The following PRKG1 variants were observed in gnomAD, a reference collection of about 807,000 sequenced individuals.
PRKG1 encodes the protein protein kinase cGMP-dependent 1.
Under a neutral mutation model 88.1 loss-of-function variants are expected in PRKG1, and 35 were observed. The observed-to-expected ratio is 0.40, with a 90% CI of 0.30 to 0.53. PRKG1 has a LOEUF of 0.53. Among genes scored for constraint, PRKG1 ranks in the 20% least tolerant of loss-of-function variants. The pLI is 0.59. For missense variants in PRKG1, 540 were observed against 839.8 expected, an observed-to-expected ratio of 0.64 and a Z score of 4.41; for synonymous variants, 303 against 292.5, an observed-to-expected ratio of 1.04 and a Z score of -0.37.
chr10:51,399,743 A>G (rs1203397640), intron 2 of PRKG1, among the ~76,000 whole-genome samples: 3 of 152,184 alleles, frequency 2.0e-5, no homozygotes, highest in Non-Finnish European at 2.9e-5. Flanking sequence ...AGTGGGGTCA[A>G]TGCAGATTTT....
intron 5 of PRKG1, among the ~76,000 whole-genome samples, chr10:51,925,243 T>G (rs1435583187): frequency 1.3e-5 from 2 of 151,858 alleles, no homozygotes. Flanking sequence ...GTGTTTATCA[T>G]TTGTTGTAGC....
At chr10:51,015,335 TTC>T (rs1843044523) in intron 1 of PRKG1, among the ~76,000 whole-genome samples, 1 of 152,248 alleles carries the variant, frequency 6.6e-6, no homozygotes, top group Admixed American at 6.5e-5. Flanking sequence ...TCAAGATATT[TTC>T]TGTTTTCTGA....
intron 3 of PRKG1, among the ~76,000 whole-genome samples, chr10:51,668,198 T>C (rs1256387763): frequency 6.6e-6 from 1 of 152,162 alleles, no homozygotes; most frequent in African/African-American, 2.4e-5. Flanking sequence ...GCAGGAAGTA[T>C]GTCAGGAAGG....
chr10:51,316,226 T>C (rs1196322841), intron 2 of PRKG1, among the ~76,000 whole-genome samples: 1 of 152,182 alleles, frequency 6.6e-6, no homozygotes, highest in Non-Finnish European at 1.5e-5. Flanking sequence ...CTCTCAGAGC[T>C]AATATATGAG....
intron 8 of PRKG1, among the ~76,000 whole-genome samples, chr10:52,150,401 C>G (rs956720924): frequency 2.0e-5 from 3 of 151,930 alleles, no homozygotes; most frequent in African/African-American, 7.3e-5. Context: ...GAGCAAATTA[C>G]TTAATTTTCT....
intron 5 of PRKG1, among the ~76,000 whole-genome samples, chr10:52,052,553 TAGAA>T (rs960015394): frequency 1.3e-5 from 2 of 151,920 alleles, no homozygotes; most frequent in Non-Finnish European, 2.9e-5. Context: ...CTGGGTAACT[TAGAA>T]AGAAAAAGGT....
intron 12 of PRKG1, among the ~76,000 whole-genome samples, chr10:52,276,362 C>T (rs919732807): frequency 1.3e-5 from 2 of 152,118 alleles, no homozygotes; most frequent in Non-Finnish European, 2.9e-5. Flanking sequence ...CAGATTGCAA[C>T]ATACTTCAGG....
chr10:51,896,645 T>TAAAAAAAAAAAAAAAAAAAAAAA (rs10649150), intron 4 of PRKG1, among the ~76,000 whole-genome samples: 1 of 95,004 alleles, frequency 1.1e-5, no homozygotes. Flanking sequence ...CCCTGTCTCT[T>TAAAAAAAAAAAAAAAAAAAAAAA]AAAAAAAAAA....
intron 3 of PRKG1, among the ~76,000 whole-genome samples, chr10:51,707,347 C>T (rs969278122): frequency 5.3e-5 from 8 of 152,110 alleles, no homozygotes; most frequent in Non-Finnish European, 1.0e-4. Flanking sequence ...CCTACTCGAG[C>T]GCATAGTCCT....
chr10:51,453,325 A>T (rs941565289), intron 2 of PRKG1, among the ~76,000 whole-genome samples: 1 of 151,450 alleles, frequency 6.6e-6, no homozygotes, highest in Non-Finnish European at 1.5e-5. Context: ...TTCAGCTCTG[A>T]TCTTTGTGAT....
chr10:51,052,597 C>G (rs1843576708), intron 1 of PRKG1, among the ~76,000 whole-genome samples: 1 of 152,160 alleles, frequency 6.6e-6, no homozygotes, highest in East Asian at 1.9e-4. Context: ...ACATTGGATT[C>G]AGTTAGTAAG....
chr10:51,024,618 A>G (rs1269042932), intron 1 of PRKG1, among the ~76,000 whole-genome samples: 1 of 152,146 alleles, frequency 6.6e-6, no homozygotes, highest in East Asian at 1.9e-4. Flanking sequence ...AATACCTGAG[A>G]CTGGGTAATT....
In PRKG1 at chr10:52,271,603, C is replaced by A. The variant is rs74349227; in HGVS notation, c.1313+114C>A. 22,561 of 1,086,402 alleles carry A rather than the reference C, an allele frequency of 0.021. 2,146 individuals carry two copies. The East Asian group carries it at 0.29, about 14-fold the overall frequency. 67.3% of individuals were successfully genotyped at this position (1,086,402 alleles called of 1,614,324 possible). A position where few individuals can be genotyped will look rare whatever the true frequency, so the allele number is the denominator to read the frequency against. On this transcript the variant is annotated intron_variant, in intron 11 of 17. Coordinates refer to ENST00000373980, the MANE Select transcript of PRKG1 (RefSeq NM_006258.4). ...ACATTTCGTATGCACAAAGAAACTT[C>A]TTTTTAATCTAATCTTAAGAAAGTT...
At chr10:51,433,083 T>G (rs1238555830) in intron 2 of PRKG1, among the ~76,000 whole-genome samples, 1 of 152,154 alleles carries the variant, frequency 6.6e-6, no homozygotes, top group African/African-American at 2.4e-5. Flanking sequence ...CGCAGTGGAT[T>G]CTTGATGCAT....
intron 5 of PRKG1, among the ~76,000 whole-genome samples, chr10:51,962,494 T>G (rs1174551122): frequency 6.6e-6 from 1 of 152,190 alleles, no homozygotes; most frequent in Non-Finnish European, 1.5e-5. Flanking sequence ...TTCTTTTCTT[T>G]TCTTTTTAAA....
chr10:51,229,139 T>A (rs1240834121), intron 2 of PRKG1, among the ~76,000 whole-genome samples: 1 of 152,216 alleles, frequency 6.6e-6, no homozygotes, highest in Admixed American at 6.5e-5. Flanking sequence ...GCTATAATTT[T>A]ACATTAATTT....
At chr10:51,467,333 A>G (rs1460312476) in intron 2 of PRKG1, among the ~76,000 whole-genome samples, 1 of 152,006 alleles carries the variant, frequency 6.6e-6, no homozygotes, top group African/African-American at 2.4e-5. Context: ...CTGCCTTACT[A>G]ATGAGAATTT....
chr10:51,221,155 TA>T (rs1380241627), intron 2 of PRKG1, among the ~76,000 whole-genome samples: 1 of 152,054 alleles, frequency 6.6e-6, no homozygotes, highest in Non-Finnish European at 1.5e-5. Context: ...AGTTTTCTTT[TA>T]ATTTTTTTAA....
At chr10:52,202,180 C>T (rs2339952) in intron 9 of PRKG1, among the ~76,000 whole-genome samples, 119,608 of 151,944 alleles carry the variant, frequency 0.79, 48,493 homozygotes, top group Non-Finnish European at 0.89. Flanking sequence ...CTTTAAGATG[C>T]TGTCATAGGT....
Sources: allele counts gnomAD v4.1 joint callset (sites outside exome capture counted in the v4.1 genomes callset), GRCh38; gene constraint gnomAD v4.1.1; transcripts MANE v1.5; gene names NCBI Gene and HGNC (gene_info 2026-07-23, HGNC 2026-07-21).